GAB2: variants seen among roughly 807,000 people sequenced by gnomAD.
GAB2 encodes GRB2 associated binding protein 2.
GAB2 carries 26 observed loss-of-function variants against 65.5 expected under a neutral mutation model. The ratio of observed to expected loss-of-function variants is 0.40; its 90% CI spans 0.29 to 0.55. GAB2 has a LOEUF of 0.55. Among genes scored for constraint, GAB2 ranks in the 20% least tolerant of loss-of-function variants. The pLI, the probability that GAB2 is intolerant of heterozygous loss-of-function variation, is 0.53. For synonymous variants in GAB2, 321 were observed against 329.6 expected, an observed-to-expected ratio of 0.97 and a Z score of 0.28; for missense variants, 884 against 875.8, an observed-to-expected ratio of 1.01 and a Z score of -0.12.
At position 78,219,210 on chromosome 11, in the gene GAB2, GGGGAGAT is replaced by G; in HGVS notation, c.*55_*61del. The stretch of plus-strand genomic sequence containing the variant: ...GGGAGGAAGAACGGGAGAGGGGAGA[GGGGAGAT>G]GGGAAGGGCCAGCTCTGGAGATGCT... On this transcript the variant is annotated 3_prime_UTR_variant, in exon 10 of 10. Transcript: ENST00000361507. The G allele has an allele frequency of 6.7e-7, 1 of 1,497,408 alleles. No homozygotes were observed. Among genetic ancestry groups the G allele is most frequent in the South Asian group, 1.2e-5 (1 of 86,688 alleles). The allele number at this position is 1,497,408 out of a possible 1,614,324, so 92.8% of individuals were successfully genotyped here.
chr11:78,254,169 G>T (rs1865533010), intron 2 of GAB2, among the ~76,000 whole-genome samples: 2 of 152,142 alleles, frequency 1.3e-5, no homozygotes, highest in African/African-American at 4.8e-5. Flanking sequence ...AGGATGAAAA[G>T]AATGAAATAC....
intron 1 of GAB2, among the ~76,000 whole-genome samples, chr11:78,350,963 G>C (rs1267012425): frequency 6.6e-6 from 1 of 152,226 alleles, no homozygotes; most frequent in Non-Finnish European, 1.5e-5. Context: ...ATTCCCCCTT[G>C]TGTCCACTTC....
At chr11:78,376,889 G>C (rs1324739500) in intron 1 of GAB2, among the ~76,000 whole-genome samples, 3 of 152,208 alleles carry the variant, frequency 2.0e-5, no homozygotes, top group Non-Finnish European at 2.9e-5. Context: ...GGTGGGGCTT[G>C]GTGGAAGGTG....
intron 1 of GAB2, among the ~76,000 whole-genome samples, chr11:78,322,112 C>A (rs562380650): frequency 6.6e-6 from 1 of 151,804 alleles, no homozygotes; most frequent in African/African-American, 2.4e-5. Context: ...TGAGACCAGC[C>A]TGGCCAACAT....
At chr11:78,277,659 A>T (rs183996423) in intron 2 of GAB2, among the ~76,000 whole-genome samples, 1 of 152,372 alleles carries the variant, frequency 6.6e-6, no homozygotes, top group Non-Finnish European at 1.5e-5. Context: ...TAGTAAACAC[A>T]CTGTGCATGC....
chr11:78,300,497 AAGT>A, intron 1 of GAB2, among the ~76,000 whole-genome samples: 1 of 140,036 alleles, frequency 7.1e-6, no homozygotes, highest in Non-Finnish European at 1.5e-5. Flanking sequence ...GTCACATAGT[AAGT>A]CTACGTTTAA....
intron 1 of GAB2, among the ~76,000 whole-genome samples, chr11:78,407,634 AAAGAAAGAAAGAAAGAAAGAAAGT>A (rs981170434): frequency 2.6e-5 from 3 of 115,258 alleles, no homozygotes; most frequent in African/African-American, 7.4e-5. Context: ...ACTCCTTCTC[AAAGAAAGAAAGAAAGAAAGAAAGT>A]AAGAAAGAAA....
intron 1 of GAB2, among the ~76,000 whole-genome samples, chr11:78,322,494 G>T (rs932049339): frequency 3.3e-5 from 5 of 151,706 alleles, no homozygotes; most frequent in African/African-American, 9.7e-5. Flanking sequence ...CACAGCAAAA[G>T]AAACTATCGA....
Position 78,216,057 on chromosome 11 carries a change from T to TC in GAB2, c.*3214dup, listed in dbSNP as rs2134439977. 1 of 152,630 alleles carries TC rather than the reference T, an allele frequency of 6.6e-6. No homozygotes were observed. The highest frequency in any genetic ancestry group is 2.4e-5 in the African/African-American group (1 of 41,526). 9.5% of individuals were successfully genotyped at this position (152,630 alleles called of 1,614,324 possible). A position where few individuals can be genotyped will look rare whatever the true frequency, so the allele number is the denominator to read the frequency against. On this transcript the variant is annotated 3_prime_UTR_variant, in exon 10 of 10. Coordinates refer to ENST00000361507, the MANE Select transcript of GAB2 (RefSeq NM_080491.3). ...TGGGGATAGGTACTGCCCACCCCAA[T>TC]CCCCCAGAAAGAAGTTACAGAGGAG...
intron 1 of GAB2, among the ~76,000 whole-genome samples, chr11:78,353,561 T>C (rs985521173): frequency 3.3e-5 from 5 of 152,212 alleles, no homozygotes; most frequent in African/African-American, 7.2e-5. Flanking sequence ...CATTATTCAA[T>C]AGAACTTCCT....
intron 1 of GAB2, among the ~76,000 whole-genome samples, chr11:78,340,762 G>A (rs1026004243): frequency 6.6e-6 from 1 of 152,122 alleles, no homozygotes; most frequent in African/African-American, 2.4e-5. Flanking sequence ...ATTCTCATCT[G>A]TACCTCACAA....
At chr11:78,333,283 A>G (rs1217405256) in intron 1 of GAB2, among the ~76,000 whole-genome samples, 1 of 152,096 alleles carries the variant, frequency 6.6e-6, no homozygotes, top group African/African-American at 2.4e-5. Context: ...TTTTATTTTT[A>G]GAGAAAAAGT....
chr11:78,271,680 G>A (rs1866011497), intron 2 of GAB2, among the ~76,000 whole-genome samples: 1 of 152,158 alleles, frequency 6.6e-6, no homozygotes, highest in African/African-American at 2.4e-5. Context: ...GTTTTTATAT[G>A]AGTCCTATCA....
At chr11:78,326,117 C>T (rs908888679) in intron 1 of GAB2, among the ~76,000 whole-genome samples, 1 of 152,116 alleles carries the variant, frequency 6.6e-6, no homozygotes, top group Non-Finnish European at 1.5e-5. Flanking sequence ...TATAGTAAAG[C>T]ATCATAGTAT....
intron 1 of GAB2, among the ~76,000 whole-genome samples, chr11:78,311,661 G>A (rs1216597771): frequency 6.6e-6 from 1 of 152,180 alleles, no homozygotes; most frequent in Non-Finnish European, 1.5e-5. Flanking sequence ...AGTGGTGTTG[G>A]TACTGCTTAT....
chr11:78,358,006 T>C (rs547649114), intron 1 of GAB2, among the ~76,000 whole-genome samples: 2 of 152,284 alleles, frequency 1.3e-5, no homozygotes, highest in Admixed American at 6.5e-5. Context: ...GTATGTTTAT[T>C]GCGGCACTAT....
intron 3 of GAB2, among the ~76,000 whole-genome samples, chr11:78,238,311 C>A (rs1018714561): frequency 6.6e-6 from 1 of 150,592 alleles, no homozygotes; most frequent in Non-Finnish European, 1.5e-5. Context: ...GAGGATTGCT[C>A]GAGACAACAT....
intron 1 of GAB2, among the ~76,000 whole-genome samples, chr11:78,352,624 T>TC: frequency 6.6e-6 from 1 of 152,224 alleles, no homozygotes; most frequent in Middle Eastern, 3.4e-3. Context: ...GTAAATCCCC[T>TC]CCCTTTGCCC....
rs932386258 is a variant in GAB2 at position 78,323,784 on chromosome 11, ATCTT to A, written c.76-42887_76-42884del. The stretch of plus-strand genomic sequence containing the variant: ...ACAAACCTACACGTGTACCCCCTGA[ATCTT>A]TCTTTTTTTTTTTTTTTTTTTTTTT... On this transcript the variant is annotated intron_variant, in intron 1 of 9. Transcript: ENST00000361507. Among the ~76,000 whole-genome samples, 8 of 125,946 alleles carry A rather than the reference ATCTT, an allele frequency of 6.4e-5. No homozygotes were observed. The South Asian group carries it at 8.2e-4, about 13-fold the overall frequency. The allele number at this position is 125,946 out of a possible 152,430, so 82.6% of individuals were successfully genotyped here.
Sources: allele counts gnomAD v4.1 joint callset (sites outside exome capture counted in the v4.1 genomes callset), GRCh38; gene constraint gnomAD v4.1.1; transcripts MANE v1.5; gene names NCBI Gene and HGNC (gene_info 2026-07-23, HGNC 2026-07-21).